Variants in MBNL1 observed in about 807,000 individuals in gnomAD.
MBNL1 encodes the protein muscleblind like splicing regulator 1, also known as muscleblind-like protein 1.
MBNL1 carries 8 observed loss-of-function variants against 42.2 expected under a neutral mutation model. That is an observed-to-expected ratio of 0.19 (90% CI 0.11 to 0.34). The LOEUF is 0.34. Ranked by LOEUF, MBNL1 falls within the 10% of genes least tolerant of loss-of-function variation. The pLI is 1.00. For missense variants in MBNL1, 309 were observed against 495.3 expected (o/e 0.62, Z 3.57); for synonymous variants, 169 against 173.9 (o/e 0.97, Z 0.22).
intron 2 of MBNL1, among the ~76,000 whole-genome samples, chr3:152,354,187 T>C (rs1466851030): frequency 2.6e-5 from 4 of 152,202 alleles, no homozygotes; most frequent in African/African-American, 9.7e-5. Context: ...AGAAAAGTGG[T>C]TTGCTATTAA....
chr3:152,281,701 A>C (rs968938689), intron 1 of MBNL1, among the ~76,000 whole-genome samples: 4 of 152,186 alleles, frequency 2.6e-5, no homozygotes, highest in Non-Finnish European at 4.4e-5. Context: ...GCTTTGCTGA[A>C]TGGCACCTTT....
chr3:152,278,643 A>G (rs2046641914), intron 1 of MBNL1, among the ~76,000 whole-genome samples: 1 of 152,124 alleles, frequency 6.6e-6, no homozygotes. Context: ...TAATTTAGGA[A>G]GAATAGTATT....
At position 152,338,502 on chromosome 3, in the gene MBNL1, G is replaced by T. The variant is rs555669302; in HGVS notation, c.174+38135G>T. The T allele has an allele frequency of 8.7e-5, 86 of 985,384 alleles. No homozygotes were observed. In the African/African-American group the frequency reaches 1.2e-3, roughly 14 times the overall value. The allele number at this position is 985,384 out of a possible 1,614,324, so 61.0% of individuals were successfully genotyped here. ...CTTCCCAAGCTTTGGCTGTGGCTCA[G>T]TGATCCTGCTGTCAAAACCCTGAAA... On this transcript the variant is annotated intron_variant, in intron 2 of 9. Transcript: ENST00000324210.
intron 2 of MBNL1, among the ~76,000 whole-genome samples, chr3:152,326,387 T>A (rs2080096496): frequency 6.6e-6 from 1 of 152,168 alleles, no homozygotes; most frequent in African/African-American, 2.4e-5. Context: ...ATTTTAGTAA[T>A]CCCTGCTTTT....
chr3:152,279,324 G>T (rs1334123117), intron 1 of MBNL1, among the ~76,000 whole-genome samples: 1 of 152,000 alleles, frequency 6.6e-6, no homozygotes, highest in Non-Finnish European at 1.5e-5. Flanking sequence ...GTGATCAGCC[G>T]AACTGAACAG....
intron 1 of MBNL1, among the ~76,000 whole-genome samples, chr3:152,284,798 G>A (rs2050581920): frequency 6.6e-6 from 1 of 152,000 alleles, no homozygotes; most frequent in South Asian, 2.1e-4. Context: ...CATATTTTAA[G>A]CTTCTCTAAG....
chr3:152,244,299 T>C (rs2032378183), intron 1 of MBNL1: 1 of 152,188 alleles, frequency 6.6e-6, no homozygotes, highest in Non-Finnish European at 1.5e-5. Flanking sequence ...ACTTCCTCTT[T>C]TGGTGGACTA....
chr3:152,302,500 G>C (rs974398230), intron 2 of MBNL1: 1 of 152,272 alleles, frequency 6.6e-6, no homozygotes, highest in Non-Finnish European at 1.5e-5. Flanking sequence ...TCTTACGTGT[G>C]TGTGTATATA....
intron 2 of MBNL1, chr3:152,340,976 G>A: frequency 7.4e-6 from 11 of 1,489,012 alleles, no homozygotes; most frequent in Non-Finnish European, 9.8e-6. Flanking sequence ...CTGAAGGTCT[G>A]GGTAAATTGA....
chr3:152,292,999 C>A (rs976564888), intron 1 of MBNL1, among the ~76,000 whole-genome samples: 1 of 152,058 alleles, frequency 6.6e-6, no homozygotes, highest in African/African-American at 2.4e-5. Context: ...GAACACCTGG[C>A]CTCAAGCAGT....
chr3:152,265,327 G>A (rs2037015456), upstream of MBNL1: 1 of 151,816 alleles, frequency 6.6e-6, no homozygotes, highest in South Asian at 2.1e-4. Flanking sequence ...AATAAAAATA[G>A]CATTTTAAAA....
intron 1 of MBNL1, among the ~76,000 whole-genome samples, chr3:152,293,350 T>G (rs1031171185): frequency 2.0e-4 from 31 of 152,220 alleles, no homozygotes; most frequent in Non-Finnish European, 4.3e-4. Context: ...GTTACTCTAC[T>G]TAGCACCTTA....
chr3:152,440,782 T>C (rs1290403206), intron 4 of MBNL1, among the ~76,000 whole-genome samples: 1 of 152,236 alleles, frequency 6.6e-6, no homozygotes, highest in Non-Finnish European at 1.5e-5. Flanking sequence ...TTTCTTTACA[T>C]TAAATTATAA....
chr3:152,437,509 T>C (rs2099094484), intron 4 of MBNL1, among the ~76,000 whole-genome samples: 1 of 152,148 alleles, frequency 6.6e-6, no homozygotes, highest in South Asian at 2.1e-4. Flanking sequence ...CATGTAAAAT[T>C]AGGGGGTTGC....
At chr3:152,365,425 T>A (rs1184744023) in intron 2 of MBNL1, among the ~76,000 whole-genome samples, 1 of 152,174 alleles carries the variant, frequency 6.6e-6, no homozygotes, top group African/African-American at 2.4e-5. Context: ...ATTGTCATTA[T>A]TTCTTTTCTG....
rs1750221400 is a variant in MBNL1, at chr3:152,465,661, TG to T, written c.*3296del. On this transcript the variant is annotated 3_prime_UTR_variant, in exon 10 of 10. Coordinates refer to ENST00000324210, the MANE Select transcript of MBNL1 (RefSeq NM_021038.5). ...TTCTGCTTGTAGTTGCTTAAAATTA[TG>T]TATTTTGTCTTGGGCTGCAATTTGT... 6.6e-6 allele frequency: 1 copy of T among 152,652 alleles called. No homozygotes were observed. The highest frequency in any genetic ancestry group is 2.4e-5 in the African/African-American group (1 of 41,466). 9.5% of individuals were successfully genotyped at this position (152,652 alleles called of 1,614,324 possible). A position where few individuals can be genotyped will look rare whatever the true frequency, so the allele number is the denominator to read the frequency against.
intron 2 of MBNL1, among the ~76,000 whole-genome samples, chr3:152,410,084 T>C (rs2098529615): frequency 6.6e-6 from 1 of 152,020 alleles, no homozygotes; most frequent in Non-Finnish European, 1.5e-5. Context: ...CATTATATAA[T>C]TTATATCTTA....
At chr3:152,376,659 G>A (rs1284433144) in intron 2 of MBNL1, among the ~76,000 whole-genome samples, 7 of 151,710 alleles carry the variant, frequency 4.6e-5, no homozygotes, top group Admixed American at 4.6e-4. Context: ...TTTTTTTTTG[G>A]CTAATAGTAT....
chr3:152,275,771 C>T (rs1047423836), intron 1 of MBNL1, among the ~76,000 whole-genome samples: 1 of 129,088 alleles, frequency 7.7e-6, no homozygotes, highest in Non-Finnish European at 1.7e-5. Flanking sequence ...AAAACAAAAA[C>T]GGACCTCATT....
Sources: gnomAD v4.1 joint callset for allele counts (sites outside exome capture counted in the v4.1 genomes callset) on GRCh38, gnomAD v4.1.1 for gene constraint, MANE v1.5 for transcripts, NCBI Gene and HGNC (gene_info 2026-07-23, HGNC 2026-07-21) for gene names.